NIPSNAP3A: variants seen among roughly 807,000 people sequenced by gnomAD.
The protein encoded by NIPSNAP3A is protein NipSnap homolog 3A.
A neutral mutation model predicts 32.3 loss-of-function variants in NIPSNAP3A; 27 were observed. The ratio of observed to expected loss-of-function variants is 0.84; its 90% confidence interval spans 0.62 to 1.15. NIPSNAP3A has a LOEUF of 1.15. NIPSNAP3A is among the 50% of genes most tolerant of loss of function. The pLI, the probability that NIPSNAP3A is intolerant of heterozygous loss-of-function variation, is 0.00. For synonymous variants in NIPSNAP3A, 108 were observed against 107.3 expected, an observed-to-expected ratio of 1.01 and a Z score of -0.04; for missense variants, 278 against 297.2, an observed-to-expected ratio of 0.94 and a Z score of 0.48.
Position 104,747,862 on chromosome 9 carries a change from A to C in NIPSNAP3A, c.60+10A>C, listed in dbSNP as rs780042917. 19 of 1,604,412 alleles carry C rather than the reference A, an allele frequency of 1.2e-5. No homozygotes were observed. In the South Asian group the frequency reaches 1.9e-4, roughly 16 times the overall value. ...GACGCTGGCGCCTCAGGTACCGGCCACGGGGGTACCCAAGCCTTCACCCGA... is the reference window on the plus strand; with the variant it reads ...GACGCTGGCGCCTCAGGTACCGGCCCCGGGGGTACCCAAGCCTTCACCCGA... On this transcript the variant is annotated intron_variant, in intron 1 of 5. Transcript: ENST00000374767.
In NIPSNAP3A at chr9:104,751,111, C is replaced by T; in HGVS notation, c.216C>T (p.Tyr72=). ...CAGCTCACTCTGAATTGGTTGGATA[C>T]TGGAGTGTAGAATTTGGAGGCAGAA... ...LRTAHSELVG[Y]WSVEFGGRMN... The change falls in exon 2 of 6, where the codon TAC becomes TAT. Residue 72 remains tyrosine, a synonymous_variant. Transcript: ENST00000374767. The T allele has an allele frequency of 1.9e-6, 3 of 1,613,976 alleles. No homozygotes were observed. Among genetic ancestry groups the T allele is most frequent in the South Asian group, 1.1e-5 (1 of 91,080 alleles).
intron 2 of NIPSNAP3A, among the ~76,000 whole-genome samples, chr9:104,751,874 C>T (rs1827852293): frequency 1.3e-5 from 2 of 152,146 alleles, no homozygotes. Context: ...GAATAAGTTA[C>T]AAGAATGCCC....
chr9:104,751,758 T>C (rs1827851151), intron 2 of NIPSNAP3A, among the ~76,000 whole-genome samples: 3 of 152,122 alleles, frequency 2.0e-5, no homozygotes, highest in Non-Finnish European at 4.4e-5. Flanking sequence ...CCCCAGAGTT[T>C]TGAGGAATTC....
chr9:104,754,995 C>T (rs768212103), intron 4 of NIPSNAP3A, among the ~76,000 whole-genome samples: 1 of 152,014 alleles, frequency 6.6e-6, no homozygotes, highest in Non-Finnish European at 1.5e-5. Context: ...AATCCCAGCA[C>T]TTTTGGAGGC....
intron 4 of NIPSNAP3A, 67 bp downstream of exon 4, chr9:104,754,767 G>C: frequency 7.8e-7 from 1 of 1,281,124 alleles, no homozygotes; most frequent in Non-Finnish European, 1.1e-6. Flanking sequence ...CCTTGGGTCA[G>C]GTTCTTTCTC....
chr9:104,748,684 G>C (rs571263115), intron 1 of NIPSNAP3A, among the ~76,000 whole-genome samples: 240 of 152,282 alleles, frequency 1.6e-3, no homozygotes, highest in Non-Finnish European at 2.7e-3. Context: ...AGACTGAGGA[G>C]CACTAAAGAA....
At chr9:104,748,448 C>G (rs1245838360) in intron 1 of NIPSNAP3A, among the ~76,000 whole-genome samples, 3 of 152,214 alleles carry the variant, frequency 2.0e-5, no homozygotes, top group Non-Finnish European at 2.9e-5. Context: ...TGGTCGCTCC[C>G]CCAACCAGGC....
chr9:104,752,427 C>A (rs1448669887), intron 2 of NIPSNAP3A, among the ~76,000 whole-genome samples: 1 of 151,974 alleles, frequency 6.6e-6, no homozygotes, highest in East Asian at 1.9e-4. Flanking sequence ...CCCACCACCA[C>A]CAAAGAAAAA....
chr9:104,759,384 G>A lies in NIPSNAP3A; in HGVS notation c.*46G>A, dbSNP rs1827946524. 1.3e-6 allele frequency: 2 copies of A among 1,566,502 alleles called. No individual in the cohort carries two copies. The highest frequency in any genetic ancestry group is 2.2e-4 in the Middle Eastern group (1 of 4,450). ...CATTTCATTAACTGCTATAGGATCT[G>A]TCTGCTAATGGTGCTTAAATTCTCC... On this transcript the variant is annotated 3_prime_UTR_variant, in exon 6 of 6. Coordinates refer to ENST00000374767, the MANE Select transcript of NIPSNAP3A (RefSeq NM_015469.3).
intron 3 of NIPSNAP3A, chr9:104,754,296 A>G (rs765215098): frequency 5.2e-4 from 167 of 323,446 alleles, no homozygotes; most frequent in Non-Finnish European, 7.3e-4. Context: ...ATTTCAGATA[A>G]TAGTTATAAT....
chr9:104,752,271 A>G (rs752084574), intron 2 of NIPSNAP3A, among the ~76,000 whole-genome samples: 8 of 152,138 alleles, frequency 5.3e-5, no homozygotes, highest in Non-Finnish European at 8.8e-5. Flanking sequence ...CAATAAGAGA[A>G]TCAGCATTAT....
At chr9:104,754,778 A>G in intron 4 of NIPSNAP3A, 78 bp downstream of exon 4, 1 of 1,106,818 alleles carries the variant, frequency 9.0e-7, no homozygotes, top group East Asian at 2.5e-5. Flanking sequence ...GTTCTTTCTC[A>G]TTATAGAGTA....
chr9:104,754,684 C>T lies in NIPSNAP3A; in HGVS notation c.564C>T (p.Tyr188=), dbSNP rs149156832. 1.3e-4 allele frequency: 207 copies of T among 1,613,272 alleles called. No homozygotes were observed. Among genetic ancestry groups the T allele is most frequent in the African/African-American group, 3.5e-4 (26 of 74,886 alleles). ...TKLVGVFHTE[Y]GALNRVHVLW... is the part of the protein sequence containing the mutation. ...TAGTTGGAGTGTTCCACACAGAGTA[C>T]GGAGCACTCAACAGAGGTACAATTG... The change falls in exon 4 of 6, where the codon TAC becomes TAT. Residue 188 remains tyrosine (Y), a synonymous_variant. Coordinates refer to ENST00000374767, the MANE Select transcript of NIPSNAP3A (RefSeq NM_015469.3).
In NIPSNAP3A at chr9:104,759,491, T is replaced by C; in HGVS notation, c.*153T>C. The C allele has an allele frequency of 1.4e-6, 1 of 700,882 alleles. No individual in the cohort carries two copies. Among genetic ancestry groups the C allele is most frequent in the Non-Finnish European group, 2.4e-6 (1 of 415,472 alleles). The allele number at this position is 700,882 out of a possible 1,614,324, so 43.4% of individuals were successfully genotyped here. A position where few individuals can be genotyped will look rare whatever the true frequency, so the allele number is the denominator to read the frequency against. ...GCATTATGAAGGCTACATCTGTGCT[T>C]TGTAAGTACCACTTCAAAAAATAGT... On this transcript the variant is annotated 3_prime_UTR_variant, in exon 6 of 6. Coordinates refer to ENST00000374767, the MANE Select transcript of NIPSNAP3A (RefSeq NM_015469.3).
rs779735396 is a variant in NIPSNAP3A, at chr9:104,752,877, T to A, written c.272-29T>A. 2.5e-6 allele frequency: 4 copies of A among 1,594,390 alleles called. No homozygotes were observed. In the East Asian group the frequency reaches 6.7e-5, roughly 27 times the overall value. On this transcript the variant is annotated intron_variant, in intron 2 of 5. Coordinates refer to ENST00000374767, the MANE Select transcript of NIPSNAP3A (RefSeq NM_015469.3). ...ACAGGTGATTTAAAATTGAATTTTT[T>A]ATTTTTCTTAATTCTTTTCTTCCCA...
chr9:104,751,270 T>A, intron 2 of NIPSNAP3A, 104 bp downstream of exon 2: 1 of 1,009,710 alleles, frequency 9.9e-7, no homozygotes, highest in Non-Finnish European at 1.6e-6. Context: ...GGATGTATAT[T>A]ATTTTAGATA....
At chr9:104,753,950 C>G (rs561600890) in intron 3 of NIPSNAP3A, 1 of 152,538 alleles carries the variant, frequency 6.6e-6, no homozygotes, top group East Asian at 1.9e-4. Flanking sequence ...TCCACCAGCC[C>G]TATACTTCTG....
intron 2 of NIPSNAP3A, among the ~76,000 whole-genome samples, chr9:104,752,548 T>C (rs1477711773): frequency 1.3e-5 from 2 of 152,216 alleles, no homozygotes; most frequent in African/African-American, 4.8e-5. Flanking sequence ...ACTCTTTTCA[T>C]GTGTTAATTT....
chr9:104,749,021 C>T (rs973071914), intron 1 of NIPSNAP3A, among the ~76,000 whole-genome samples: 18 of 152,112 alleles, frequency 1.2e-4, no homozygotes, highest in South Asian at 4.1e-4. Context: ...CACCACCTGT[C>T]CACATCTCTC....
Sources: allele counts gnomAD v4.1 joint callset (sites outside exome capture counted in the v4.1 genomes callset), GRCh38; gene constraint gnomAD v4.1.1; transcripts MANE v1.5; gene names NCBI Gene and HGNC (gene_info 2026-07-23, HGNC 2026-07-21).